Variants in MACROD1 observed in about 807,000 individuals in gnomAD.
The protein encoded by MACROD1 is mono-ADP ribosylhydrolase 1.
In MACROD1, 31 loss-of-function variants were observed where a neutral mutation model predicts 41.4. That is an observed-to-expected ratio of 0.75 (90% CI 0.56 to 1.01). The LOEUF (loss-of-function observed/expected upper bound fraction) is 1.01. Ranked by LOEUF, MACROD1 falls within the 50% of genes least tolerant of loss-of-function variation. The pLI, the probability that MACROD1 is intolerant of heterozygous loss-of-function variation, is 0.00. For missense variants in MACROD1, 473 were observed against 460.0 expected (o/e 1.03, Z -0.26); for synonymous variants, 252 against 203.4 (o/e 1.24, Z -2.03).
intron 4 of MACROD1, chr11:64,001,330 G>A (rs1274881083): frequency 3.0e-6 from 2 of 660,352 alleles, no homozygotes; most frequent in Non-Finnish European, 5.5e-6. Flanking sequence ...AACGCCGCGT[G>A]CTGGCCGGGA....
At chr11:63,998,745 C>T (rs1942758669) in intron 10 of MACROD1, 58 bp from the exon 11 acceptor site, 2 of 1,419,438 alleles carry the variant, frequency 1.4e-6, no homozygotes, top group South Asian at 1.5e-5. Flanking sequence ...CCAGGCTGCC[C>T]CGTGGTTTCC....
intron 3 of MACROD1, among the ~76,000 whole-genome samples, chr11:64,110,704 C>T (rs967547981): frequency 1.3e-5 from 2 of 152,126 alleles, no homozygotes; most frequent in Non-Finnish European, 2.9e-5. Flanking sequence ...GCTGGCAGGT[C>T]GTAACTCACA....
intron 3 of MACROD1, among the ~76,000 whole-genome samples, chr11:64,131,334 C>G (rs17699798): frequency 0.48 from 72,552 of 151,468 alleles, 18,663 homozygotes; most frequent in East Asian, 0.6. Context: ...CAAAGACCCT[C>G]GGGACGTTTT....
chr11:64,152,154 T>C, intron 2 of MACROD1, 138 bp downstream of exon 2: 2 of 680,620 alleles, frequency 2.9e-6, no homozygotes, highest in Non-Finnish European at 2.6e-6. Flanking sequence ...AATAATTGAA[T>C]GAGGTGATAC....
rs1206038539 is a variant in MACROD1, at chr11:64,090,983, T to G, written c.517+60256A>C. Among the ~76,000 whole-genome samples, 2 of 149,850 alleles carry G rather than the reference T, an allele frequency of 1.3e-5. No individual in the cohort carries two copies. Among genetic ancestry groups the G allele is most frequent in the African/African-American group, 4.9e-5 (2 of 40,574 alleles). Reference sequence around the variant, plus strand: ...CACTGACCTCTGACCTCTGGGTCAGTTGGTTACTGACTGCTGACTGTGCCT... The same window carrying G: ...CACTGACCTCTGACCTCTGGGTCAGGTGGTTACTGACTGCTGACTGTGCCT... On this transcript the variant is annotated intron_variant, in intron 3 of 10. Transcript: ENST00000255681. The surrounding 1 kb of genome is among the most constrained non-coding windows in gnomAD (Gnocchi z 4.7).
At position 64,075,404 on chromosome 11, in the gene MACROD1, T is replaced by C. The variant is rs919045508; in HGVS notation, c.518-60123A>G. On this transcript the variant is annotated intron_variant, in intron 3 of 10. Transcript: ENST00000255681. Reference sequence around the variant, plus strand: ...ACACTTTATACCCATCATTTCTTCATTGCAATCCAATATTGTTTCCATTTT... The same window carrying C: ...ACACTTTATACCCATCATTTCTTCACTGCAATCCAATATTGTTTCCATTTT... Among the ~76,000 whole-genome samples the C allele has an allele frequency of 1.4e-4, 22 of 152,386 alleles. 2 individuals are homozygous for C. The highest frequency in any genetic ancestry group is 3.4e-3 in the Middle Eastern group (1 of 294).
intron 3 of MACROD1, among the ~76,000 whole-genome samples, chr11:64,111,301 G>T (rs1944858284): frequency 6.6e-6 from 1 of 152,232 alleles, no homozygotes. Flanking sequence ...AACAGACCAG[G>T]TTGGGGGTAA....
intron 3 of MACROD1, among the ~76,000 whole-genome samples, chr11:64,017,137 T>C (rs975709189): frequency 1.3e-5 from 2 of 152,094 alleles, no homozygotes; most frequent in Non-Finnish European, 2.9e-5. Flanking sequence ...ACCCGGCTAA[T>C]TTTTTGTATT....
intron 3 of MACROD1, among the ~76,000 whole-genome samples, chr11:64,070,480 A>G (rs1296227223): frequency 1.3e-5 from 2 of 152,210 alleles, no homozygotes; most frequent in African/African-American, 4.8e-5. Flanking sequence ...GCTGGTGGGA[A>G]GCTTTCGGAC....
intron 1 of MACROD1, among the ~76,000 whole-genome samples, chr11:64,161,000 C>T (rs1347627468): frequency 6.6e-6 from 1 of 151,596 alleles, no homozygotes; most frequent in Non-Finnish European, 1.5e-5. Flanking sequence ...GGTGAAACTC[C>T]GTCTCTACTA....
rs541652139 is a variant in MACROD1, at chr11:64,067,508, C to T, written c.518-52227G>A. On this transcript the variant is annotated intron_variant, in intron 3 of 10. Coordinates refer to ENST00000255681, the MANE Select transcript of MACROD1 (RefSeq NM_014067.4). This position sits in a 1 kb window ranked among gnomAD's most constrained non-coding sequence, Gnocchi z 4.6. ...GAGATAGGTCGGGGACGGGGACAGA[C>T]GGCACCTCCCCAACTCCCCAGCCCC... 7.6e-4 allele frequency among the ~76,000 whole-genome samples: 116 copies of T among 152,164 alleles called. No homozygotes were observed. The highest frequency in any genetic ancestry group is 1.3e-3 in the Non-Finnish European group (88 of 67,962).
At chr11:64,093,348 A>G (rs1189300525) in intron 3 of MACROD1, among the ~76,000 whole-genome samples, 1 of 152,202 alleles carries the variant, frequency 6.6e-6, no homozygotes, top group African/African-American at 2.4e-5. Context: ...TACCCGTAAG[A>G]GCTCACGGCC....
intron 3 of MACROD1, among the ~76,000 whole-genome samples, chr11:64,124,054 GA>G (rs1214065674): frequency 1.3e-5 from 2 of 152,184 alleles, no homozygotes; most frequent in Non-Finnish European, 2.9e-5. Context: ...GGTGTCCCCT[GA>G]AAACCCCAAG....
At chr11:64,047,833 G>T (rs1398061875) in intron 3 of MACROD1, among the ~76,000 whole-genome samples, 8 of 150,510 alleles carry the variant, frequency 5.3e-5, no homozygotes, top group African/African-American at 2.0e-4. Context: ...GGAGGTAGAG[G>T]TTGCAGTGAG....
At chr11:64,007,849 C>T (rs1222176091) in intron 4 of MACROD1, among the ~76,000 whole-genome samples, 1 of 152,228 alleles carries the variant, frequency 6.6e-6, no homozygotes, top group Admixed American at 6.5e-5. Flanking sequence ...TGCTTCTGAG[C>T]TCAGCCCTGC....
chr11:64,069,872 C>T (rs555102851), intron 3 of MACROD1, among the ~76,000 whole-genome samples: 4 of 152,320 alleles, frequency 2.6e-5, no homozygotes, highest in East Asian at 1.9e-4. Context: ...AAAATAGCCA[C>T]GATGAGGATT....
intron 3 of MACROD1, among the ~76,000 whole-genome samples, chr11:64,023,214 G>A (rs537276186): frequency 6.6e-6 from 1 of 152,200 alleles, no homozygotes; most frequent in East Asian, 1.9e-4. Flanking sequence ...CCCACTTACA[G>A]ATGGGGAAAC....
rs1055808414 is a variant in MACROD1 at position 64,067,622 on chromosome 11, C to T, written c.518-52341G>A. ...TAGGTGGGTGACGCACCAACATGCCCGTGGCCTCCGGTGCACACACAGGGT... is the reference window on the plus strand; with the variant it reads ...TAGGTGGGTGACGCACCAACATGCCTGTGGCCTCCGGTGCACACACAGGGT... On this transcript the variant is annotated intron_variant, in intron 3 of 10. Transcript: ENST00000255681. This position sits in a 1 kb window ranked among gnomAD's most constrained non-coding sequence, Gnocchi z 4.6. 5.9e-5 allele frequency among the ~76,000 whole-genome samples: 9 copies of T among 152,268 alleles called. No individual in the cohort carries two copies. Among genetic ancestry groups the T allele is most frequent in the Admixed American group, 2.0e-4 (3 of 15,308 alleles).
chr11:64,042,767 T>C (rs1943512946), intron 3 of MACROD1, among the ~76,000 whole-genome samples: 1 of 152,102 alleles, frequency 6.6e-6, no homozygotes, highest in Non-Finnish European at 1.5e-5. Context: ...GACCACTAGG[T>C]CCCTAGTAGC....
Sources: gnomAD v4.1 joint callset for allele counts (sites outside exome capture counted in the v4.1 genomes callset) on GRCh38, gnomAD v4.1.1 for gene constraint, Gnocchi (gnomAD v3.1) non-coding constraint, MANE v1.5 for transcripts, NCBI Gene and HGNC (gene_info 2026-07-23, HGNC 2026-07-21) for gene names.